GMPS: variants seen among roughly 807,000 people sequenced by gnomAD.
The protein encoded by GMPS is guanosine monophosphate synthase, also known as GMP synthase [glutamine-hydrolyzing].
Under a neutral mutation model 77.9 loss-of-function variants are expected in GMPS, and 15 were observed. That is an observed-to-expected ratio of 0.19 (90% CI 0.13 to 0.30). The LOEUF (loss-of-function observed/expected upper bound fraction) is 0.30, where lower values mean the gene tolerates loss of function less well. Among genes scored for constraint, GMPS ranks in the 10% least tolerant of loss-of-function variants. The pLI is 1.00. For missense variants in GMPS, 590 were observed against 838.8 expected (o/e 0.70, Z 3.66); for synonymous variants, 224 against 275.9 (o/e 0.81, Z 1.86).
At chr3:155,875,900 C>T (rs1220891344) in intron 1 of GMPS, among the ~76,000 whole-genome samples, 1 of 152,004 alleles carries the variant, frequency 6.6e-6, no homozygotes, top group East Asian at 1.9e-4. Context: ...TAAGTCTATA[C>T]ACTCATTAAG....
chr3:155,924,850 G>A (rs559915137), intron 11 of GMPS, among the ~76,000 whole-genome samples: 5 of 152,070 alleles, frequency 3.3e-5, no homozygotes, highest in African/African-American at 4.8e-5. Flanking sequence ...AGGGATAGTA[G>A]GAGTGAAAAT....
At chr3:155,887,399 C>G (rs1034380942) in intron 1 of GMPS, among the ~76,000 whole-genome samples, 21 of 152,034 alleles carry the variant, frequency 1.4e-4, no homozygotes. Flanking sequence ...GATAACATTA[C>G]CAATGTAAAT....
chr3:155,905,162 C>G (rs1390600410), intron 4 of GMPS, among the ~76,000 whole-genome samples: 1 of 151,946 alleles, frequency 6.6e-6, no homozygotes, highest in Non-Finnish European at 1.5e-5. Flanking sequence ...AGTGGGATTA[C>G]AGGCAAAATT....
intron 6 of GMPS, 21 bp from the exon 7 acceptor site, chr3:155,911,093 A>G (rs749503867): frequency 2.6e-6 from 4 of 1,564,948 alleles, no homozygotes; most frequent in East Asian, 4.5e-5. Context: ...GCTCATTTTG[A>G]TTTTTCATTT....
At chr3:155,907,584 C>G (rs1042295173) in intron 5 of GMPS, among the ~76,000 whole-genome samples, 1 of 152,100 alleles carries the variant, frequency 6.6e-6, no homozygotes, top group East Asian at 1.9e-4. Flanking sequence ...GCAAGACCCT[C>G]TCTCCTAAGA....
chr3:155,870,455 G>C (rs1009479844), upstream of GMPS: 1 of 188,890 alleles, frequency 5.3e-6, no homozygotes, highest in African/African-American at 2.3e-5. Flanking sequence ...CCTCCCAAGG[G>C]CGGGCCGCGG....
At position 155,937,792 on chromosome 3, in the gene GMPS, GC is replaced by G; in HGVS notation, c.*101del. ...TACTGTGAAAAGAGTTACTGGAGCA[GC>G]TACATCACATCTGAGTTCTCCACAG... is the stretch of plus-strand genomic sequence containing the variant. On this transcript the variant is annotated 3_prime_UTR_variant, in exon 16 of 16. Transcript: ENST00000496455. 1.5e-6 allele frequency: 1 copy of G among 657,804 alleles called. No homozygotes were observed. The allele number at this position is 657,804 out of a possible 1,614,324, so 40.7% of individuals were successfully genotyped here. A position where few individuals can be genotyped will look rare whatever the true frequency, so the allele number is the denominator to read the frequency against.
At position 155,911,192 on chromosome 3, in the gene GMPS, G is replaced by C. The variant is rs751937081; in HGVS notation, c.799G>C (p.Ala267Pro). 2.5e-5 allele frequency: 41 copies of C among 1,612,468 alleles called. No homozygotes were observed. The highest frequency in any genetic ancestry group is 3.3e-5 in the Non-Finnish European group (39 of 1,178,664). ...TGCTTTGAACCAAGAACAAGTCATT[G>C]CTGTGCACATTGATAATGGCTTTAT... ...NRALNQEQVI[A>P]VHIDNGFMRK... The change falls in exon 7 of 16, where the codon GCT becomes CCT. Residue 267 changes from alanine (A) to proline (P), a missense_variant. Physicochemically the swap from Ala to Pro is conservative, Grantham distance 27. Around this residue, in one of 6 missense-constraint regions of GMPS, gnomAD observed 181 missense variants for 186.8 expected, o/e 0.97. Transcript: ENST00000496455.
intron 1 of GMPS, among the ~76,000 whole-genome samples, chr3:155,872,107 T>C (rs1042667692): frequency 6.6e-6 from 1 of 152,200 alleles, no homozygotes; most frequent in Non-Finnish European, 1.5e-5. Flanking sequence ...GTGGATTTGG[T>C]GCTCTACGTC....
chr3:155,920,062 A>G (rs1377313925), intron 10 of GMPS, among the ~76,000 whole-genome samples: 1 of 152,166 alleles, frequency 6.6e-6, no homozygotes, highest in Non-Finnish European at 1.5e-5. Context: ...TGTGCTAGGC[A>G]CTCTGCTAAA....
chr3:155,914,426 T>G lies in GMPS; in HGVS notation c.894T>G (p.Asn298Lys). Residue 298 changes from asparagine (N) to lysine (K), a missense_variant, in exon 8 of 16, where the codon AAT becomes AAG. Asn to Lys is a moderately conservative substitution (Grantham distance 94, BLOSUM62 0). Coordinates refer to ENST00000496455, the MANE Select transcript of GMPS (RefSeq NM_003875.3). ...KKLGIQVKVINAAHSFYNGTT... is the reference protein window; with the variant it reads ...KKLGIQVKVIKAAHSFYNGTT... ...TTCTCCCCTTTCCTCCAGTGATAAA[T>G]GCTGCTCATTCTTTCTACAATGGAA... is the stretch of plus-strand genomic sequence containing the variant. 2 of 1,564,076 alleles carry G rather than the reference T, an allele frequency of 1.3e-6. No individual in the cohort carries two copies. The highest frequency in any genetic ancestry group is 1.7e-6 in the Non-Finnish European group (2 of 1,161,174).
In GMPS at chr3:155,931,756, T is replaced by C. The variant is rs768048356; in HGVS notation, c.1561-9T>C. On this transcript the variant is annotated splice_polypyrimidine_tract_variant and intron_variant, in intron 12 of 15. Coordinates refer to ENST00000496455, the MANE Select transcript of GMPS (RefSeq NM_003875.3). ...TATTAAAAATTATTGATTATCTTTT[T>C]ATTTTCAGGGTGACTGTCGTTCCTA... is the stretch of plus-strand genomic sequence containing the variant. 4.2e-5 allele frequency: 50 copies of C among 1,186,366 alleles called. 1 individual carries two copies. In the African/African-American group the frequency reaches 6.8e-4, roughly 16 times the overall value. The allele number at this position is 1,186,366 out of a possible 1,614,324, so 73.5% of individuals were successfully genotyped here.
chr3:155,936,818 A>G (rs1027370124), intron 15 of GMPS, among the ~76,000 whole-genome samples: 1 of 152,214 alleles, frequency 6.6e-6, no homozygotes, highest in Non-Finnish European at 1.5e-5. Flanking sequence ...CTAGGAGTGA[A>G]GAAGAGTTTG....
intron 4 of GMPS, among the ~76,000 whole-genome samples, chr3:155,904,791 T>A (rs1754830261): frequency 6.6e-6 from 1 of 152,184 alleles, no homozygotes; most frequent in African/African-American, 2.4e-5. Context: ...TTGTATGTGA[T>A]ATACCAGAAG....
chr3:155,929,420 A>G (rs1209882268), intron 12 of GMPS, among the ~76,000 whole-genome samples: 1 of 151,918 alleles, frequency 6.6e-6, no homozygotes, highest in African/African-American at 2.4e-5. Flanking sequence ...TTGAATGGGC[A>G]AAAACTGGAA....
chr3:155,879,730 C>CTTTTTTTTTTTTTTT (rs58045835), intron 1 of GMPS, among the ~76,000 whole-genome samples: 2 of 107,630 alleles, frequency 1.9e-5, no homozygotes, highest in Non-Finnish European at 3.5e-5. Context: ...CTTTTTTGCC[C>CTTTTTTTTTTTTTTT]TTTTTTTTTT....
rs1157427744 is a variant in GMPS at position 155,939,832 on chromosome 3, A to G, written c.*2140A>G. The G allele has an allele frequency of 1.0e-5, 2 of 200,412 alleles. No homozygotes were observed. Among genetic ancestry groups the G allele is most frequent in the African/African-American group, 4.6e-5 (2 of 43,548 alleles). 12.4% of individuals were successfully genotyped at this position (200,412 alleles called of 1,614,324 possible). Reference sequence around the variant, plus strand: ...CACTTTTTGCTTTGTGCCATATAGCATTACTCTGTACCTTCACAGTATTTC... The same window carrying G: ...CACTTTTTGCTTTGTGCCATATAGCGTTACTCTGTACCTTCACAGTATTTC... On this transcript the variant is annotated 3_prime_UTR_variant, in exon 16 of 16. Transcript: ENST00000496455.
intron 1 of GMPS, among the ~76,000 whole-genome samples, chr3:155,871,494 C>T (rs573353778): frequency 2.6e-5 from 4 of 152,244 alleles, no homozygotes; most frequent in East Asian, 1.9e-4. Flanking sequence ...GGACGAACCC[C>T]TCGGAGCTGC....
intron 12 of GMPS, among the ~76,000 whole-genome samples, chr3:155,925,683 C>T (rs922337539): frequency 3.9e-5 from 6 of 152,198 alleles, no homozygotes; most frequent in Non-Finnish European, 5.9e-5. Flanking sequence ...TGAACTCTAA[C>T]CAAAGGTAAA....
Sources: allele counts gnomAD v4.1 joint callset (sites outside exome capture counted in the v4.1 genomes callset), GRCh38; gene constraint gnomAD v4.1.1; regional missense constraint gnomAD v4.1.1; transcripts MANE v1.5; gene names NCBI Gene and HGNC (gene_info 2026-07-23, HGNC 2026-07-21).